Variants in AGBL4 observed in about 807,000 individuals in gnomAD.
AGBL4 encodes AGBL carboxypeptidase 4.
AGBL4 carries 58 observed loss-of-function variants against 66.4 expected under a neutral mutation model. The observed-to-expected ratio is 0.87, with a 90% CI of 0.71 to 1.09. The LOEUF (loss-of-function observed/expected upper bound fraction) is 1.09, where lower values mean the gene tolerates loss of function less well. AGBL4 is among the 50% of genes least tolerant of loss of function. AGBL4 has a pLI of 0.00. For missense variants in AGBL4, 579 were observed against 631.0 expected, an observed-to-expected ratio of 0.92 and a Z score of 0.88; for synonymous variants, 234 against 222.9, an observed-to-expected ratio of 1.05 and a Z score of -0.44.
At chr1:49,750,265 T>A (rs1271759256) in intron 2 of AGBL4, among the ~76,000 whole-genome samples, 1 of 152,154 alleles carries the variant, frequency 6.6e-6, no homozygotes, top group African/African-American at 2.4e-5. Flanking sequence ...TTGAGTTAAT[T>A]TTTGTATAAG....
intron 5 of AGBL4, among the ~76,000 whole-genome samples, chr1:48,901,399 T>C (rs541228357): frequency 3.1e-4 from 47 of 152,292 alleles, no homozygotes; most frequent in South Asian, 2.1e-3. Flanking sequence ...TATATGTCCT[T>C]GCAAAAAGTT....
intron 1 of AGBL4, among the ~76,000 whole-genome samples, chr1:50,018,715 C>T (rs949553802): frequency 2.0e-5 from 3 of 152,046 alleles, no homozygotes; most frequent in South Asian, 2.1e-4. Flanking sequence ...ACAACATTCA[C>T]GGATCTCAGA....
chr1:49,835,345 T>G (rs968205856), intron 2 of AGBL4, among the ~76,000 whole-genome samples: 1 of 152,232 alleles, frequency 6.6e-6, no homozygotes, highest in African/African-American at 2.4e-5. Context: ...TTGTCTTTTT[T>G]GATCTTTGTT....
intron 1 of AGBL4, among the ~76,000 whole-genome samples, chr1:49,864,510 T>C (rs945242189): frequency 1.3e-5 from 2 of 152,040 alleles, no homozygotes; most frequent in Non-Finnish European, 2.9e-5. Flanking sequence ...ACTAGGTGGT[T>C]GGCGCGAACC....
At chr1:48,930,627 A>C (rs58662006) in intron 5 of AGBL4, among the ~76,000 whole-genome samples, 5 of 152,162 alleles carry the variant, frequency 3.3e-5, no homozygotes, top group Non-Finnish European at 7.4e-5. Context: ...CTGAGCCTCA[A>C]ATTCCTCATC....
Position 49,552,738 on chromosome 1 carries a change from C to T in AGBL4, c.282+144575G>A, listed in dbSNP as rs184838214. Among the ~76,000 whole-genome samples the T allele has an allele frequency of 3.4e-3, 511 of 152,240 alleles. 1 individual carries two copies. The highest frequency in any genetic ancestry group is 0.012 in the African/African-American group (481 of 41,538). On this transcript the variant is annotated intron_variant, in intron 3 of 13. Transcript: ENST00000371839. ...GGGATTGCTGGTTTGTTCTTACAGT[C>T]GATTTGGAGCTATGATTCACAATGC...
At chr1:48,667,426 C>A (rs1234952257) in intron 6 of AGBL4, among the ~76,000 whole-genome samples, 1 of 152,194 alleles carries the variant, frequency 6.6e-6, no homozygotes, top group Non-Finnish European at 1.5e-5. Flanking sequence ...TTTGCCAAAG[C>A]CATGTGAGTG....
intron 9 of AGBL4, among the ~76,000 whole-genome samples, chr1:48,604,867 C>T (rs992799178): frequency 6.6e-6 from 1 of 152,174 alleles, no homozygotes; most frequent in African/African-American, 2.4e-5. Context: ...AGCTTTATGT[C>T]TTGGATTGAA....
At position 49,483,008 on chromosome 1, in the gene AGBL4, A is replaced by G. The variant is rs375940567; in HGVS notation, c.282+214305T>C. ...AGAATGTTATGATTTCAGTTATTTT[A>G]TGTTTGGTGAAGAGTGTTTTATTTC... On this transcript the variant is annotated intron_variant, in intron 3 of 13. Transcript: ENST00000371839. Among the ~76,000 whole-genome samples the G allele has an allele frequency of 3.4e-4, 52 of 151,970 alleles. 1 individual carries two copies. In the South Asian group the frequency reaches 9.6e-3, roughly 28 times the overall value.
chr1:48,761,923 G>C (rs116070723), intron 6 of AGBL4, among the ~76,000 whole-genome samples: 2 of 152,196 alleles, frequency 1.3e-5, no homozygotes. Context: ...AGACATGAGA[G>C]AGCTTATAGC....
chr1:49,895,957 A>G (rs992991474), intron 1 of AGBL4, among the ~76,000 whole-genome samples: 6 of 143,718 alleles, frequency 4.2e-5, no homozygotes, highest in Non-Finnish European at 9.2e-5. Flanking sequence ...AAAAAAAAAA[A>G]CGAGATCCAA....
At chr1:49,059,772 G>T (rs1644370118) in intron 4 of AGBL4, among the ~76,000 whole-genome samples, 2 of 152,192 alleles carry the variant, frequency 1.3e-5, no homozygotes, top group African/African-American at 4.8e-5. Flanking sequence ...GGAGTCAAAG[G>T]AGATCATTTT....
chr1:48,603,427 G>A (rs560931963), intron 9 of AGBL4, among the ~76,000 whole-genome samples: 6 of 152,180 alleles, frequency 3.9e-5, no homozygotes, highest in South Asian at 2.1e-4. Flanking sequence ...CCGAGATTGC[G>A]CCACAGCACT....
intron 3 of AGBL4, among the ~76,000 whole-genome samples, chr1:49,373,882 G>T (rs1464135186): frequency 6.6e-6 from 1 of 152,134 alleles, no homozygotes; most frequent in East Asian, 1.9e-4. Context: ...ATGACAAGTG[G>T]CCCGGTATAT....
At chr1:49,458,443 A>AT (rs1236544165) in intron 3 of AGBL4, among the ~76,000 whole-genome samples, 4 of 151,620 alleles carry the variant, frequency 2.6e-5, no homozygotes, top group Non-Finnish European at 5.9e-5. Context: ...AGGTCTAGGT[A>AT]TTTTTTTAGA....
rs76731272 is a variant in AGBL4 at position 49,570,828 on chromosome 1, T to C, written c.282+126485A>G. On this transcript the variant is annotated intron_variant, in intron 3 of 13. Coordinates refer to ENST00000371839, the MANE Select transcript of AGBL4 (RefSeq NM_032785.4). ...TGGCTAGGCAATCTTCCCAGTACCA[T>C]TGATTTACTAGGGTGTCCTTTTCCC... Among the ~76,000 whole-genome samples the C allele has an allele frequency of 7.9e-5, 12 of 152,224 alleles. No homozygotes were observed. In the East Asian group the frequency reaches 2.1e-3, roughly 27 times the overall value.
At chr1:48,850,118 A>G (rs949096076) in intron 6 of AGBL4, among the ~76,000 whole-genome samples, 3 of 152,244 alleles carry the variant, frequency 2.0e-5, no homozygotes, top group Non-Finnish European at 4.4e-5. Context: ...AATAACAAAT[A>G]AAAACTCTAG....
chr1:49,027,405 C>T (rs1663799111), intron 5 of AGBL4, among the ~76,000 whole-genome samples: 1 of 152,050 alleles, frequency 6.6e-6, no homozygotes, highest in Admixed American at 6.6e-5. Context: ...TCAGGTGATC[C>T]ACCTGCCTCA....
chr1:48,645,519 T>A (rs998971716), intron 8 of AGBL4, among the ~76,000 whole-genome samples: 1 of 152,150 alleles, frequency 6.6e-6, no homozygotes, highest in Non-Finnish European at 1.5e-5. Context: ...AATATATGCA[T>A]GTGGGCTGTA....
Sources: gnomAD v4.1 joint callset for allele counts (sites outside exome capture counted in the v4.1 genomes callset) on GRCh38, gnomAD v4.1.1 for gene constraint, MANE v1.5 for transcripts, NCBI Gene and HGNC (gene_info 2026-07-23, HGNC 2026-07-21) for gene names.